Variants in TMX1 observed in about 807,000 individuals in gnomAD.
The protein encoded by TMX1 is thioredoxin related transmembrane protein 1, also known as thioredoxin-related transmembrane protein 1.
A neutral mutation model predicts 36.6 loss-of-function variants in TMX1; 25 were observed. The ratio of observed to expected loss-of-function variants is 0.68; its 90% confidence interval spans 0.50 to 0.95. The LOEUF is 0.95. Among genes scored for constraint, TMX1 ranks in the 40% least tolerant of loss-of-function variants. The probability of loss-of-function intolerance (pLI) is 0.00; values close to 1 mark genes in which losing one functional copy is unlikely to be tolerated. For synonymous variants in TMX1, 133 were observed against 118.0 expected (o/e 1.13, Z -0.82); for missense variants, 347 against 339.6 (o/e 1.02, Z -0.17).
At chr14:51,249,040 A>T (rs2065799215) in intron 4 of TMX1, among the ~76,000 whole-genome samples, 1 of 152,178 alleles carries the variant, frequency 6.6e-6, no homozygotes, top group Admixed American at 6.5e-5. Context: ...AGTGTATTGG[A>T]GAAATCATCA....
intron 1 of TMX1, among the ~76,000 whole-genome samples, chr14:51,242,584 C>T (rs1032540479): frequency 6.6e-6 from 1 of 152,032 alleles, no homozygotes; most frequent in Admixed American, 6.6e-5. Context: ...CAACTGACAG[C>T]CTGGGCAACA....
intron 4 of TMX1, among the ~76,000 whole-genome samples, chr14:51,247,899 C>T (rs747854021): frequency 3.9e-5 from 6 of 152,150 alleles, no homozygotes; most frequent in Non-Finnish European, 8.8e-5. Context: ...ACTCATGCTA[C>T]CTCCAGACTT....
At chr14:51,242,050 A>T (rs1359943685) in intron 1 of TMX1, among the ~76,000 whole-genome samples, 1 of 152,164 alleles carries the variant, frequency 6.6e-6, no homozygotes, top group African/African-American at 2.4e-5. Context: ...AATCGCTTGA[A>T]TCTGGGAGTC....
chr14:51,248,160 G>T (rs575367659), intron 4 of TMX1, among the ~76,000 whole-genome samples: 175 of 152,350 alleles, frequency 1.1e-3, no homozygotes, highest in Non-Finnish European at 2.1e-3. Context: ...GCTATGGAGT[G>T]ATAAGGATTG....
chr14:51,246,895 A>T (rs992709609), intron 3 of TMX1, among the ~76,000 whole-genome samples, 197 bp from the exon 4 acceptor site: 25 of 152,202 alleles, frequency 1.6e-4, no homozygotes, highest in Admixed American at 1.4e-3. Flanking sequence ...CTTATGATTT[A>T]AAAAAATGTA....
chr14:51,241,460 G>C (rs563792860), intron 1 of TMX1, among the ~76,000 whole-genome samples: 1 of 152,292 alleles, frequency 6.6e-6, no homozygotes, highest in South Asian at 2.1e-4. Context: ...TTTTACAAAT[G>C]AGTAACAAGA....
chr14:51,241,933 T>C (rs1167775579), intron 1 of TMX1, among the ~76,000 whole-genome samples: 2 of 152,150 alleles, frequency 1.3e-5, no homozygotes, highest in African/African-American at 4.8e-5. Flanking sequence ...ATCGAGACCA[T>C]CCTGGCTAAC....
chr14:51,245,654 G>A (rs1035348184), intron 3 of TMX1: 17 of 460,254 alleles, frequency 3.7e-5, no homozygotes, highest in Non-Finnish European at 5.4e-5. Flanking sequence ...GTAGTGGTGA[G>A]TCCTGTAGGT....
At chr14:51,240,666 C>G (rs1011107413) in intron 1 of TMX1, among the ~76,000 whole-genome samples, 3 of 152,152 alleles carry the variant, frequency 2.0e-5, no homozygotes, top group African/African-American at 7.2e-5. Flanking sequence ...GGGGTGCACC[C>G]TCGTTTCGTT....
Position 51,243,851 on chromosome 14 carries a change from C to T in TMX1, c.153-5C>T, listed in dbSNP as rs1180196625. Reference sequence around the variant, plus strand: ...TTTTTTTAAAAAAAAATCTGTATTTCTTAGTTATGCCCCGTGGTGCCCTGC... The same window carrying T: ...TTTTTTTAAAAAAAAATCTGTATTTTTTAGTTATGCCCCGTGGTGCCCTGC... On this transcript the variant is annotated splice_region_variant and splice_polypyrimidine_tract_variant and intron_variant, in intron 1 of 7. Coordinates refer to ENST00000457354, the MANE Select transcript of TMX1 (RefSeq NM_030755.5). 1.3e-6 allele frequency: 2 copies of T among 1,587,144 alleles called. No individual in the cohort carries two copies. The highest frequency in any genetic ancestry group is 2.3e-5 in the East Asian group (1 of 44,306).
Position 51,254,350 on chromosome 14 carries a change from T to C in TMX1, c.674T>C (p.Leu225Ser), listed in dbSNP as rs751399114. The part of the protein sequence containing the change: ...QPYPYPSKKL[L>S]SESAQPLKKV... ...GGTCTTTGTCTTTAAGAAAAATTAT[T>C]ATCAGAATCTGCACAACCTTTGAAA... Residue 225 changes from leucine (L) to serine (S), a missense_variant, in exon 8 of 8, where the codon TTA becomes TCA. Physicochemically the swap from Leu to Ser is moderately radical, Grantham distance 145. Transcript: ENST00000457354. 1.3e-6 allele frequency: 2 copies of C among 1,582,266 alleles called. No individual in the cohort carries two copies. The highest frequency in any genetic ancestry group is 1.2e-5 in the South Asian group (1 of 85,036).
rs751945376 is a variant in TMX1, at chr14:51,240,356, C to T, written c.64C>T (p.Pro22Ser). The change falls in exon 1 of 8, where the codon CCC (proline) becomes TCC (serine). Residue 22 changes from proline (P) to serine (S), a missense_variant. Transcript: ENST00000457354. ...AVLVLLLWGAPWTHGRRSNVR... is the reference protein window; with the variant it reads ...AVLVLLLWGASWTHGRRSNVR... ...CCTGGTGCTGTTGCTTTGGGGTGCT[C>T]CCTGGACGCACGGGCGGCGGAGCAA... is the stretch of plus-strand genomic sequence containing the variant. The T allele has an allele frequency of 3.1e-6, 5 of 1,613,860 alleles. No individual in the cohort carries two copies. Among genetic ancestry groups the T allele is most frequent in the African/African-American group, 1.3e-5 (1 of 74,930 alleles).
chr14:51,254,536 T>C lies in TMX1; in HGVS notation c.*17T>C. On this transcript the variant is annotated 3_prime_UTR_variant, in exon 8 of 8. Coordinates refer to ENST00000457354, the MANE Select transcript of TMX1 (RefSeq NM_030755.5). ...AAATCCTAGTTAAATTTTATAGTTA[T>C]CTTAATATTATGATTTTGATAAAAA... 6.4e-7 allele frequency: 1 copy of C among 1,566,582 alleles called. No individual in the cohort carries two copies. The highest frequency in any genetic ancestry group is 8.6e-7 in the Non-Finnish European group (1 of 1,163,158).
At chr14:51,242,776 C>G (rs1221330583) in intron 1 of TMX1, among the ~76,000 whole-genome samples, 1 of 151,486 alleles carries the variant, frequency 6.6e-6, no homozygotes, top group Non-Finnish European at 1.5e-5. Flanking sequence ...GACCCTGTTT[C>G]AAAAAATAAA....
Position 51,249,904 on chromosome 14 carries a change from A to G in TMX1, c.664+139A>G, listed in dbSNP as rs1321909578. The G allele has an allele frequency of 2.9e-5, 18 of 631,338 alleles. No individual in the cohort carries two copies. In the South Asian group the frequency reaches 3.8e-4, roughly 13 times the overall value. 39.1% of individuals were successfully genotyped at this position (631,338 alleles called of 1,614,324 possible). On this transcript the variant is annotated intron_variant, in intron 7 of 7. Coordinates refer to ENST00000457354, the MANE Select transcript of TMX1 (RefSeq NM_030755.5). The stretch of plus-strand genomic sequence containing the variant: ...TGTTGGTCTTTATCAGCTATGGCAT[A>G]AAGGAAGGTAGAGGAGATGTATATT...
Position 51,249,433 on chromosome 14 carries a change from C to T in TMX1, c.490-35C>T, listed in dbSNP as rs915025724. On this transcript the variant is annotated intron_variant, in intron 5 of 7. Coordinates refer to ENST00000457354, the MANE Select transcript of TMX1 (RefSeq NM_030755.5). ...CCACTATCACTTTAACAAAAATGAA[C>T]AGATTTTTAGTTTTTTTTTTTCTTT... The T allele has an allele frequency of 4.5e-6, 7 of 1,572,222 alleles. No homozygotes were observed. The African/African-American group carries it at 7.1e-5, about 16-fold the overall frequency.
intron 4 of TMX1, among the ~76,000 whole-genome samples, chr14:51,248,394 G>T (rs2065796534): frequency 6.6e-6 from 1 of 152,172 alleles, no homozygotes; most frequent in South Asian, 2.1e-4. Flanking sequence ...ATGGGAGAAA[G>T]ATTAGCCCTG....
chr14:51,246,318 G>C (rs192360625), intron 3 of TMX1, among the ~76,000 whole-genome samples: 75 of 152,162 alleles, frequency 4.9e-4, no homozygotes, highest in African/African-American at 1.8e-3. Context: ...TTTCCTGCCT[G>C]TCGAAATCTT....
Sources: gnomAD v4.1 joint callset for allele counts (sites outside exome capture counted in the v4.1 genomes callset) on GRCh38, gnomAD v4.1.1 for gene constraint, MANE v1.5 for transcripts, NCBI Gene and HGNC (gene_info 2026-07-23, HGNC 2026-07-21) for gene names.